The following ANKRD42 variants were observed in gnomAD, a reference collection of about 807,000 sequenced individuals.
ANKRD42 encodes ankyrin repeat domain-containing protein 42.
In ANKRD42, 43 loss-of-function variants were observed where a neutral mutation model predicts 51.5. The ratio of observed to expected loss-of-function variants is 0.83; its 90% CI spans 0.65 to 1.08. The LOEUF (loss-of-function observed/expected upper bound fraction) is 1.08. Ranked by LOEUF, ANKRD42 falls within the 50% of genes least tolerant of loss-of-function variation. The pLI, the probability that ANKRD42 is intolerant of heterozygous loss-of-function variation, is 0.00. For synonymous variants in ANKRD42, 203 were observed against 213.0 expected (o/e 0.95, Z 0.41); for missense variants, 608 against 629.3 (o/e 0.97, Z 0.36).
rs66756456 is a variant in ANKRD42, at chr11:83,243,967, C to CTT, written c.1196-1503_1196-1502dup. On this transcript the variant is annotated intron_variant, in intron 9 of 10. Transcript: ENST00000533342. The stretch of plus-strand genomic sequence containing the variant: ...GCGTGAACCACCTCGCCTGGCTGCC[C>CTT]TTTTTTTTTTTTTTTTTTTTTTTTT... Among the ~76,000 whole-genome samples, 85 of 66,958 alleles carry CTT rather than the reference C, an allele frequency of 1.3e-3. 6 individuals carry two copies. The highest frequency in any genetic ancestry group is 4.3e-3 in the East Asian group (9 of 2,112). The allele number at this position is 66,958 out of a possible 152,430, so 43.9% of individuals were successfully genotyped here. A position where few individuals can be genotyped will look rare whatever the true frequency, so the allele number is the denominator to read the frequency against.
At chr11:83,204,826 G>C (rs1473012564) in intron 2 of ANKRD42, among the ~76,000 whole-genome samples, 4 of 151,952 alleles carry the variant, frequency 2.6e-5, no homozygotes, top group Non-Finnish European at 5.9e-5. Flanking sequence ...TCAGCAGTAA[G>C]AAAAAAAATT....
chr11:83,258,490 A>G (rs1331749307), downstream of ANKRD42, among the ~76,000 whole-genome samples: 2 of 152,130 alleles, frequency 1.3e-5, no homozygotes, highest in East Asian at 3.9e-4. Context: ...GGAGTTAAAG[A>G]CTTGAGTCCC....
intron 1 of ANKRD42, among the ~76,000 whole-genome samples, chr11:83,197,460 T>A (rs1315596378): frequency 6.6e-6 from 1 of 152,228 alleles, no homozygotes; most frequent in Admixed American, 6.5e-5. Flanking sequence ...AAGTAAGATA[T>A]AATTCCAGTG....
intron 1 of ANKRD42, among the ~76,000 whole-genome samples, chr11:83,198,147 A>T (rs1487190143): frequency 6.6e-6 from 1 of 152,192 alleles, no homozygotes; most frequent in African/African-American, 2.4e-5. Flanking sequence ...CTACCACTTT[A>T]TGGCTCCAGG....
At chr11:83,238,948 G>A (rs999653809) in intron 8 of ANKRD42, among the ~76,000 whole-genome samples, 1 of 152,012 alleles carries the variant, frequency 6.6e-6, no homozygotes, top group African/African-American at 2.4e-5. Context: ...GGCAGAGGTT[G>A]TGGTGAGCCT....
chr11:83,193,792 G>C lies in ANKRD42; in HGVS notation c.-879G>C, dbSNP rs942686617. ...GAGGCTGGAAAGAGACTCCGAGAAA[G>C]TACCAGCGGAAGGCGGCCGCCGCTA... is the stretch of plus-strand genomic sequence containing the variant. On this transcript the variant is annotated 5_prime_UTR_variant, in exon 1 of 11. Coordinates refer to ENST00000533342, the MANE Select transcript of ANKRD42 (RefSeq NM_001300975.2). 1.2e-4 allele frequency: 54 copies of C among 453,946 alleles called. No individual in the cohort carries two copies. Among genetic ancestry groups the C allele is most frequent in the African/African-American group, 9.4e-4 (47 of 49,926 alleles). The allele number at this position is 453,946 out of a possible 1,614,324, so 28.1% of individuals were successfully genotyped here. A position where few individuals can be genotyped will look rare whatever the true frequency, so the allele number is the denominator to read the frequency against.
chr11:83,225,657 A>G (rs574741245), intron 6 of ANKRD42, among the ~76,000 whole-genome samples: 1 of 151,734 alleles, frequency 6.6e-6, no homozygotes, highest in South Asian at 2.1e-4. Context: ...GCTCACGCCT[A>G]TAATCCCAGC....
intron 5 of ANKRD42, chr11:83,213,093 A>G (rs1440215798): frequency 6.2e-7 from 1 of 1,601,144 alleles, no homozygotes; most frequent in Admixed American, 1.7e-5. Flanking sequence ...TGATATGTCA[A>G]AATTAAGTGT....
chr11:83,224,730 G>A (rs1300971750), intron 5 of ANKRD42, 125 bp from the exon 6 acceptor site: 2 of 686,870 alleles, frequency 2.9e-6, no homozygotes, highest in East Asian at 6.4e-5. Context: ...GCTATAATGA[G>A]CTATGATTGT....
At chr11:83,243,889 C>T (rs1863463269) in intron 9 of ANKRD42, among the ~76,000 whole-genome samples, 1 of 150,622 alleles carries the variant, frequency 6.6e-6, no homozygotes, top group Non-Finnish European at 1.5e-5. Context: ...TGGTCTCTAT[C>T]TCCTGACCTC....
intron 11 of ANKRD42, among the ~76,000 whole-genome samples, chr11:83,255,268 G>T (rs1417982041): frequency 6.6e-6 from 1 of 152,118 alleles, no homozygotes; most frequent in Non-Finnish European, 1.5e-5. Flanking sequence ...CCTTCCCATG[G>T]TATTTATTGA....
chr11:83,236,971 T>C (rs553227200), intron 8 of ANKRD42, among the ~76,000 whole-genome samples: 1 of 152,368 alleles, frequency 6.6e-6, no homozygotes, highest in African/African-American at 2.4e-5. Context: ...TTTTGCAATT[T>C]ACATCCGAAT....
At chr11:83,257,313 G>T (rs567127975), downstream of ANKRD42, 2 of 455,968 alleles carry the variant, frequency 4.4e-6, no homozygotes, top group African/African-American at 4.0e-5. Context: ...GATCTTCAGG[G>T]GGAGACAGGA....
At chr11:83,238,520 C>T (rs1435274248) in intron 8 of ANKRD42, among the ~76,000 whole-genome samples, 1 of 152,094 alleles carries the variant, frequency 6.6e-6, no homozygotes, top group African/African-American at 2.4e-5. Context: ...CATGGTGAAA[C>T]CCTGTCTCTA....
chr11:83,248,350 A>G lies in ANKRD42; in HGVS notation c.*146A>G, dbSNP rs1591013093. ...ACACACACACACTCTATATGTAACT[A>G]TAACTTTCTAGATACATACACACAT... On this transcript the variant is annotated 3_prime_UTR_variant, in exon 11 of 11. Coordinates refer to ENST00000533342, the MANE Select transcript of ANKRD42 (RefSeq NM_001300975.2). 1.2e-5 allele frequency: 17 copies of G among 1,364,210 alleles called. No homozygotes were observed. Among genetic ancestry groups the G allele is most frequent in the South Asian group, 2.0e-5 (1 of 48,782 alleles). 84.5% of individuals were successfully genotyped at this position (1,364,210 alleles called of 1,614,324 possible). A position where few individuals can be genotyped will look rare whatever the true frequency, so the allele number is the denominator to read the frequency against.
chr11:83,255,663 A>T (rs1294994802), intron 11 of ANKRD42, among the ~76,000 whole-genome samples: 1 of 152,202 alleles, frequency 6.6e-6, no homozygotes, highest in Non-Finnish European at 1.5e-5. Context: ...GATTCAGCAC[A>T]ATATAATGCA....
intron 5 of ANKRD42, chr11:83,212,678 T>A (rs1862370645): frequency 6.5e-7 from 1 of 1,536,118 alleles, no homozygotes; most frequent in Non-Finnish European, 8.7e-7. Flanking sequence ...CTGTGGAGCC[T>A]CTGATTCCTT....
chr11:83,231,790 G>A (rs1037899522), intron 7 of ANKRD42, among the ~76,000 whole-genome samples: 1 of 152,064 alleles, frequency 6.6e-6, no homozygotes, highest in Non-Finnish European at 1.5e-5. Flanking sequence ...GTTTTTTCCA[G>A]CACCATTTAT....
intron 3 of ANKRD42, chr11:83,209,382 T>A (rs1461291531): frequency 1.4e-5 from 22 of 1,551,618 alleles, no homozygotes; most frequent in Non-Finnish European, 1.8e-5. Context: ...GGCTGCAGGC[T>A]AGCAAACCGA....
Sources: allele counts gnomAD v4.1 joint callset (sites outside exome capture counted in the v4.1 genomes callset), GRCh38; gene constraint gnomAD v4.1.1; transcripts MANE v1.5; gene names NCBI Gene and HGNC (gene_info 2026-07-23, HGNC 2026-07-21).